The following TTC39C variants were observed in gnomAD, a reference collection of about 807,000 sequenced individuals.
The protein encoded by TTC39C is tetratricopeptide repeat domain 39C.
TTC39C carries 33 observed loss-of-function variants against 76.3 expected under a neutral mutation model. That is an observed-to-expected ratio of 0.43 (90% CI 0.33 to 0.58). The LOEUF is 0.58. Ranked by LOEUF, TTC39C falls within the 20% of genes least tolerant of loss-of-function variation. The pLI, the probability that TTC39C is intolerant of heterozygous loss-of-function variation, is 0.04. For missense variants in TTC39C, 595 were observed against 701.4 expected (o/e 0.85, Z 1.71); for synonymous variants, 254 against 260.6 (o/e 0.97, Z 0.24).
intron 1 of TTC39C, among the ~76,000 whole-genome samples, chr18:24,040,455 C>T (rs954868954): frequency 6.6e-6 from 1 of 152,124 alleles, no homozygotes; most frequent in Admixed American, 6.5e-5. Context: ...AAGTCATCTG[C>T]CATTTTGGAA....
chr18:23,997,722 G>GAAAC (rs1568398867), intron 1 of TTC39C, among the ~76,000 whole-genome samples: 1 of 150,248 alleles, frequency 6.7e-6, no homozygotes, highest in African/African-American at 2.4e-5. Flanking sequence ...AAGAAAGAAA[G>GAAAC]AAACCAAAAC....
intron 4 of TTC39C, among the ~76,000 whole-genome samples, chr18:24,073,873 A>G (rs1381684876): frequency 6.6e-6 from 1 of 152,224 alleles, no homozygotes; most frequent in African/African-American, 2.4e-5. Flanking sequence ...CATTTACTGC[A>G]GGTATCACAT....
intron 1 of TTC39C, among the ~76,000 whole-genome samples, chr18:24,015,764 C>A (rs1371105791): frequency 6.6e-6 from 1 of 152,130 alleles, no homozygotes; most frequent in Non-Finnish European, 1.5e-5. Flanking sequence ...GGTAGGAAAA[C>A]ACGTGTGTTC....
chr18:24,005,612 G>A (rs2083345441), intron 1 of TTC39C, among the ~76,000 whole-genome samples: 1 of 151,836 alleles, frequency 6.6e-6, no homozygotes, highest in African/African-American at 2.4e-5. Flanking sequence ...TTGGGAGGCT[G>A]AAGTGGGAGC....
chr18:24,026,625 C>G (rs1000147310), intron 1 of TTC39C, among the ~76,000 whole-genome samples: 3 of 152,176 alleles, frequency 2.0e-5, no homozygotes, highest in African/African-American at 7.2e-5. Context: ...TTTACATGCT[C>G]AGGTGCACCA....
At chr18:24,122,088 C>T (rs373937253) in intron 8 of TTC39C, among the ~76,000 whole-genome samples, 23 of 152,130 alleles carry the variant, frequency 1.5e-4, no homozygotes, top group African/African-American at 3.9e-4. Flanking sequence ...CAGCTCTCTC[C>T]GAGCCTCAAT....
intron 9 of TTC39C, 43 bp downstream of exon 9, chr18:24,123,986 C>A: frequency 7.1e-7 from 1 of 1,417,640 alleles, no homozygotes; most frequent in Non-Finnish European, 9.7e-7. Context: ...TTATGATGGG[C>A]ATTTGTAACC....
intron 1 of TTC39C, chr18:24,015,352 C>T (rs2083442329): frequency 4.0e-6 from 1 of 249,006 alleles, no homozygotes; most frequent in Non-Finnish European, 7.6e-6. Flanking sequence ...CCGGTAGGCT[C>T]CTCTCTGCAG....
intron 1 of TTC39C, among the ~76,000 whole-genome samples, chr18:24,007,515 C>T (rs938752206): frequency 7.9e-5 from 12 of 152,100 alleles, no homozygotes; most frequent in South Asian, 2.1e-4. Flanking sequence ...TCCTGATAAA[C>T]TGGGATTACA....
chr18:24,102,119 A>C (rs184748342), intron 6 of TTC39C, among the ~76,000 whole-genome samples: 1 of 152,346 alleles, frequency 6.6e-6, no homozygotes, highest in East Asian at 1.9e-4. Flanking sequence ...CACTAAGCAC[A>C]GGGTTAGTTT....
intron 6 of TTC39C, among the ~76,000 whole-genome samples, chr18:24,089,385 A>C (rs952467020): frequency 6.4e-4 from 98 of 152,202 alleles, no homozygotes; most frequent in African/African-American, 2.2e-3. Flanking sequence ...TGTTCATTGT[A>C]GTCTTCTCTT....
At chr18:24,003,196 T>C (rs529266113) in intron 1 of TTC39C, among the ~76,000 whole-genome samples, 1 of 152,316 alleles carries the variant, frequency 6.6e-6, no homozygotes, top group East Asian at 1.9e-4. Flanking sequence ...GTCCATGCCA[T>C]TGCTCCTCTG....
intron 8 of TTC39C, among the ~76,000 whole-genome samples, chr18:24,119,129 A>C (rs371463327): frequency 6.6e-6 from 1 of 151,856 alleles, no homozygotes; most frequent in African/African-American, 2.4e-5. Context: ...TTTTGAATTA[A>C]GTGTTTTTTT....
At chr18:24,006,696 T>A (rs540161912) in intron 1 of TTC39C, among the ~76,000 whole-genome samples, 3 of 152,092 alleles carry the variant, frequency 2.0e-5, no homozygotes, top group Non-Finnish European at 4.4e-5. Flanking sequence ...AATGAACAAA[T>A]TAATAAAAAC....
intron 12 of TTC39C, 27 bp downstream of exon 12, chr18:24,130,444 A>G: frequency 1.1e-6 from 1 of 931,306 alleles, no homozygotes. Context: ...ATAATATAAT[A>G]TATATTTTTA....
intron 10 of TTC39C, among the ~76,000 whole-genome samples, chr18:24,126,842 A>T (rs544534810): frequency 4.6e-5 from 7 of 152,088 alleles, no homozygotes; most frequent in Non-Finnish European, 1.0e-4. Flanking sequence ...GAGTTGCATA[A>T]TTCAAAACCC....
chr18:24,073,062 C>T (rs1423981438), intron 4 of TTC39C, among the ~76,000 whole-genome samples: 1 of 152,218 alleles, frequency 6.6e-6, no homozygotes, highest in Non-Finnish European at 1.5e-5. Context: ...GTTACTTGTG[C>T]TATCACCTTC....
At chr18:24,091,755 A>G (rs941998925) in intron 6 of TTC39C, among the ~76,000 whole-genome samples, 2 of 152,176 alleles carry the variant, frequency 1.3e-5, no homozygotes, top group Admixed American at 1.3e-4. Flanking sequence ...ATATGTAAAG[A>G]ACTGTTACAA....
intron 1 of TTC39C, among the ~76,000 whole-genome samples, chr18:24,043,516 C>A (rs1408488882): frequency 2.0e-5 from 3 of 152,148 alleles, no homozygotes; most frequent in African/African-American, 7.2e-5. Context: ...GTTTTCTGGT[C>A]ATGAACCAGG....
Sources: gnomAD v4.1 joint callset for allele counts (sites outside exome capture counted in the v4.1 genomes callset) on GRCh38, gnomAD v4.1.1 for gene constraint, MANE v1.5 for transcripts, NCBI Gene and HGNC (gene_info 2026-07-23, HGNC 2026-07-21) for gene names.